The following TRIM55 variants were observed in gnomAD, a reference collection of about 807,000 sequenced individuals.
TRIM55 encodes tripartite motif-containing protein 55.
Under a neutral mutation model 60.9 loss-of-function variants are expected in TRIM55, and 50 were observed. The observed-to-expected ratio is 0.82, with a 90% CI of 0.65 to 1.04. The LOEUF is 1.04. Among genes scored for constraint, TRIM55 ranks in the 50% least tolerant of loss-of-function variants. TRIM55 has a pLI of 0.00. For synonymous variants in TRIM55, 237 were observed against 238.1 expected (o/e 1.00, Z 0.04); for missense variants, 681 against 666.9 (o/e 1.02, Z -0.23).
At chr8:66,159,629 G>GTTA (rs1047917321) in intron 9 of TRIM55, among the ~76,000 whole-genome samples, 3 of 152,156 alleles carry the variant, frequency 2.0e-5, no homozygotes, top group Admixed American at 6.6e-5. Context: ...TTCCGTAGTG[G>GTTA]TTATTCAACT....
rs116355023 is a variant in TRIM55 at position 66,144,701 on chromosome 8, G to A, written c.604-4944G>A. Among the ~76,000 whole-genome samples the A allele has an allele frequency of 5.2e-3, 793 of 152,332 alleles. 8 individuals are homozygous for A. The highest frequency in any genetic ancestry group is 0.018 in the African/African-American group (753 of 41,572). ...GTCCAGAGAAGAGGGGAGGTGTATG[G>A]CTCCGAATTGGTCTTAAAGATACAT... On this transcript the variant is annotated intron_variant, in intron 4 of 9. Transcript: ENST00000315962.
At chr8:66,113,415 G>T in the TRIM55 span, 1 of 432,004 alleles carries the variant, frequency 2.3e-6, no homozygotes, top group African/African-American at 2.0e-5. Flanking sequence ...TACTTCCTCA[G>T]CAGGAGACAT....
At chr8:66,135,300 T>C (rs374615319) in intron 3 of TRIM55, 145 bp downstream of exon 3, 4 of 815,564 alleles carry the variant, frequency 4.9e-6, no homozygotes, top group Admixed American at 5.1e-5. Context: ...GCACACAAGG[T>C]CTGCAGGAAG....
intron 9 of TRIM55, among the ~76,000 whole-genome samples, chr8:66,169,722 C>A (rs1374446938): frequency 6.6e-6 from 1 of 152,116 alleles, no homozygotes; most frequent in Non-Finnish European, 1.5e-5. Flanking sequence ...GCAGGGGCAG[C>A]AAAGGGAGTG....
chr8:66,114,581 C>T, the TRIM55 span: 2 of 456,322 alleles, frequency 4.4e-6, no homozygotes, highest in South Asian at 1.5e-5. Flanking sequence ...TGAGGCTAAG[C>T]TGCCCATAGT....
rs191943450 is a variant in TRIM55, at chr8:66,174,486, C to T, written c.1540C>T (p.Pro514Ser). The change falls in exon 10 of 10, where the codon CCT (proline) becomes TCT (serine). Residue 514 changes from proline to serine, a missense_variant. Physicochemically the swap from Pro to Ser is moderately conservative, Grantham distance 74. Coordinates refer to ENST00000315962, the MANE Select transcript of TRIM55 (RefSeq NM_184085.2). ...AATSQIGFEA[P>S]PLQGQAAAPA... ...TCCATTGCAGATTGGATTTGAGGCT[C>T]CTCCCCTCCAGGGACAGGCTGCAGC... 23 of 1,611,844 alleles carry T rather than the reference C, an allele frequency of 1.4e-5. No homozygotes were observed. The East Asian group carries it at 5.2e-4, about 36-fold the overall frequency.
At chr8:66,152,942 TG>T (rs1563382201) in intron 8 of TRIM55, among the ~76,000 whole-genome samples, 2 of 149,740 alleles carry the variant, frequency 1.3e-5, no homozygotes, top group Non-Finnish European at 3.0e-5. Context: ...TGTGTGTGTG[TG>T]TGTCCATGTC....
chr8:66,135,199 C>T, intron 3 of TRIM55, 44 bp downstream of exon 3: 1 of 1,608,160 alleles, frequency 6.2e-7, no homozygotes, highest in Non-Finnish European at 8.5e-7. Context: ...TCCCCATCCC[C>T]ACACCTTAGG....
At chr8:66,135,845 A>G (rs1240163346) in intron 3 of TRIM55, among the ~76,000 whole-genome samples, 1 of 152,114 alleles carries the variant, frequency 6.6e-6, no homozygotes, top group Non-Finnish European at 1.5e-5. Flanking sequence ...GGTTTCATTC[A>G]TGAGCAGGTC....
chr8:66,164,737 A>G (rs1260131581), intron 9 of TRIM55, among the ~76,000 whole-genome samples: 7 of 152,184 alleles, frequency 4.6e-5, no homozygotes, highest in Admixed American at 3.3e-4. Context: ...ATAGCCTACT[A>G]TAGGCAGATG....
intron 4 of TRIM55, among the ~76,000 whole-genome samples, chr8:66,146,755 T>C (rs1054776384): frequency 2.6e-5 from 4 of 152,196 alleles, no homozygotes; most frequent in African/African-American, 9.7e-5. Context: ...AAGCTACTAA[T>C]AGGTTTCAGT....
intron 9 of TRIM55, among the ~76,000 whole-genome samples, chr8:66,168,934 T>C (rs1811468585): frequency 6.6e-6 from 1 of 152,220 alleles, no homozygotes. Context: ...CTCAGCTTGA[T>C]TGCTATCGCT....
chr8:66,150,092 C>T, intron 5 of TRIM55, 125 bp from the exon 6 acceptor site: 1 of 1,167,434 alleles, frequency 8.6e-7, no homozygotes, highest in Non-Finnish European at 1.2e-6. Flanking sequence ...TATAAGACAG[C>T]AGTTATTTAT....
upstream of TRIM55, among the ~76,000 whole-genome samples, chr8:66,126,468 T>C (rs1343185496): frequency 1.3e-5 from 2 of 152,248 alleles, no homozygotes; most frequent in Non-Finnish European, 2.9e-5. Context: ...TGTTTTATAA[T>C]GTAACTTTTT....
intron 9 of TRIM55, among the ~76,000 whole-genome samples, chr8:66,159,357 C>T (rs1810920576): frequency 6.6e-6 from 1 of 152,178 alleles, no homozygotes; most frequent in Admixed American, 6.5e-5. Flanking sequence ...TATTTTGTGG[C>T]ATGTATAGTA....
chr8:66,130,023 T>C (rs905450667), intron 2 of TRIM55, among the ~76,000 whole-genome samples: 2 of 152,234 alleles, frequency 1.3e-5, no homozygotes, highest in South Asian at 4.1e-4. Context: ...ACACCACAAA[T>C]ATTCTTTCAT....
chr8:66,116,270 G>A, the TRIM55 span, among the ~76,000 whole-genome samples: 317 of 152,228 alleles, frequency 2.1e-3, 3 homozygotes, highest in African/African-American at 7.0e-3. Flanking sequence ...AAGAAATAAA[G>A]TAGGTATAGA....
chr8:66,137,806 G>A (rs960335186), intron 4 of TRIM55, among the ~76,000 whole-genome samples: 5 of 151,722 alleles, frequency 3.3e-5, no homozygotes, highest in South Asian at 2.1e-4. Context: ...ATGAGTGGCC[G>A]GTTGTTTAGC....
At chr8:66,126,151 G>A (rs1232725995), upstream of TRIM55, among the ~76,000 whole-genome samples, 1 of 152,188 alleles carries the variant, frequency 6.6e-6, no homozygotes, top group Non-Finnish European at 1.5e-5. Flanking sequence ...TATTTTGGAG[G>A]CAGATGAAAT....
Sources: gnomAD v4.1 joint callset for allele counts (sites outside exome capture counted in the v4.1 genomes callset) on GRCh38, gnomAD v4.1.1 for gene constraint, MANE v1.5 for transcripts, NCBI Gene and HGNC (gene_info 2026-07-23, HGNC 2026-07-21) for gene names.